SLC9A1: variants seen among roughly 807,000 people sequenced by gnomAD.
The protein encoded by SLC9A1 is solute carrier family 9 member A1.
A neutral mutation model predicts 67.9 loss-of-function variants in SLC9A1; 22 were observed. That is an observed-to-expected ratio of 0.32 (90% CI 0.23 to 0.46). The LOEUF (loss-of-function observed/expected upper bound fraction) is 0.46. Ranked by LOEUF, SLC9A1 falls within the 20% of genes least tolerant of loss-of-function variation. SLC9A1 has a pLI of 1.00. For missense variants in SLC9A1, 686 were observed against 1,094.8 expected (o/e 0.63, Z 5.27); for synonymous variants, 421 against 471.8 (o/e 0.89, Z 1.40).
intron 1 of SLC9A1, among the ~76,000 whole-genome samples, chr1:27,122,856 G>C (rs987152552): frequency 6.6e-5 from 10 of 152,320 alleles, no homozygotes; most frequent in African/African-American, 2.4e-4. Flanking sequence ...ACTCACAGGG[G>C]AGAGGGAGGG....
chr1:27,112,158 C>T (rs2124151645), intron 2 of SLC9A1, among the ~76,000 whole-genome samples: 1 of 152,302 alleles, frequency 6.6e-6, no homozygotes. Flanking sequence ...AACTCAGGCT[C>T]ATGTGGTAAC....
chr1:27,136,783 C>T (rs547850477), intron 1 of SLC9A1, among the ~76,000 whole-genome samples: 4 of 152,264 alleles, frequency 2.6e-5, no homozygotes, highest in South Asian at 2.1e-4. Context: ...AAGGAGGAGG[C>T]GGAAAATTCC....
At chr1:27,124,282 G>A (rs1389843602) in intron 1 of SLC9A1, among the ~76,000 whole-genome samples, 2 of 152,056 alleles carry the variant, frequency 1.3e-5, no homozygotes, top group African/African-American at 4.8e-5. Flanking sequence ...CTCTTTGCTG[G>A]GGGTACAGTA....
intron 1 of SLC9A1, among the ~76,000 whole-genome samples, chr1:27,117,177 G>A (rs907442937): frequency 1.3e-5 from 2 of 152,090 alleles, no homozygotes; most frequent in Non-Finnish European, 2.9e-5. Context: ...AAGACCTGCA[G>A]TGTGCTGGAG....
At chr1:27,135,651 A>T (rs2083416145) in intron 1 of SLC9A1, among the ~76,000 whole-genome samples, 1 of 152,160 alleles carries the variant, frequency 6.6e-6, no homozygotes, top group Admixed American at 6.5e-5. Flanking sequence ...AACCCTACGG[A>T]GTACAAGAAT....
chr1:27,141,482 C>T (rs1216726217), intron 1 of SLC9A1, among the ~76,000 whole-genome samples: 3 of 152,236 alleles, frequency 2.0e-5, no homozygotes, highest in African/African-American at 7.2e-5. Context: ...CAAGGCCTAG[C>T]TCAGTGGTCA....
At chr1:27,119,037 G>A (rs2083289293) in intron 1 of SLC9A1, among the ~76,000 whole-genome samples, 1 of 126,800 alleles carries the variant, frequency 7.9e-6, no homozygotes, top group African/African-American at 3.1e-5. Context: ...GTGGTAGCTG[G>A]AACGAACACA....
At chr1:27,102,293 C>T in intron 8 of SLC9A1, 92 bp downstream of exon 8, 3 of 1,452,520 alleles carry the variant, frequency 2.1e-6, no homozygotes, top group Non-Finnish European at 2.8e-6. Flanking sequence ...AACAGGACAA[C>T]AGAAGACCCC....
Position 27,100,049 on chromosome 1 carries a change from A to C in SLC9A1, c.*258T>G. The C allele has an allele frequency of 2.4e-6, 1 of 413,240 alleles. No individual in the cohort carries two copies. The highest frequency in any genetic ancestry group is 4.3e-6 in the Non-Finnish European group (1 of 233,592). 25.6% of individuals were successfully genotyped at this position (413,240 alleles called of 1,614,324 possible). On this transcript the variant is annotated 3_prime_UTR_variant, in exon 12 of 12. Coordinates refer to ENST00000263980, the MANE Select transcript of SLC9A1 (RefSeq NM_003047.5). The surrounding 1 kb of genome is among the most constrained non-coding windows in gnomAD (Gnocchi z 5.6). ...CCAGGTCCGGGAGAAGCCTGGATCT[A>C]GGGAGGGGCAGGGCCGGCCTCACCA... is the stretch of plus-strand genomic sequence containing the variant.
At position 27,123,291 on chromosome 1, in the gene SLC9A1, C is replaced by A. The variant is rs113448752; in HGVS notation, c.353-9005G>T. Among the ~76,000 whole-genome samples, 77 of 152,232 alleles carry A rather than the reference C, an allele frequency of 5.1e-4. 2 individuals carry two copies. The highest frequency in any genetic ancestry group is 1.7e-3 in the African/African-American group (72 of 41,532). ...TTTTACCAACTATACCAGTCTCCCC[C>A]ACAACCGAATTTCTGTTAAGTTTGG... On this transcript the variant is annotated intron_variant, in intron 1 of 11. Coordinates refer to ENST00000263980, the MANE Select transcript of SLC9A1 (RefSeq NM_003047.5).
chr1:27,128,387 TGG>T (rs757306785), intron 1 of SLC9A1, among the ~76,000 whole-genome samples: 2 of 151,850 alleles, frequency 1.3e-5, no homozygotes, highest in Non-Finnish European at 2.9e-5. Context: ...CCAGGGGAGG[TGG>T]CTCACACCTG....
Position 27,154,120 on chromosome 1 carries a change from C to A in SLC9A1, c.215G>T (p.Arg72Leu), listed in dbSNP as rs774339074. ...TAPPEVTPES[R>L]PVNHSVTDHG... The stretch of plus-strand genomic sequence containing the variant: ...ATCAGTGACGGAATGATTAACAGGG[C>A]GGCTCTCTGGGGTGACCTCCGGTGG... The change falls in exon 1 of 12, where the codon CGC (arginine) becomes CTC (leucine). Residue 72 changes from arginine (R) to leucine (L), a missense_variant. Physicochemically the swap from Arg to Leu is moderately radical, Grantham distance 102. This residue lies in a region of SLC9A1 where 143 missense variants were observed against 166.7 expected (regional missense o/e 0.86). Transcript: ENST00000263980. 2 of 1,614,062 alleles carry A rather than the reference C, an allele frequency of 1.2e-6. No homozygotes were observed. The highest frequency in any genetic ancestry group is 1.6e-4 in the Middle Eastern group (1 of 6,062).
At chr1:27,143,519 A>ATGACAGT (rs1472964253) in intron 1 of SLC9A1, among the ~76,000 whole-genome samples, 1 of 152,248 alleles carries the variant, frequency 6.6e-6, no homozygotes, top group African/African-American at 2.4e-5. Context: ...TGTGCTTTGA[A>ATGACAGT]GCCAGGGCTC....
At chr1:27,107,960 C>T (rs1429966104) in intron 3 of SLC9A1, 95 bp from the exon 4 acceptor site, 1 of 880,450 alleles carries the variant, frequency 1.1e-6, no homozygotes, top group Non-Finnish European at 1.8e-6. Context: ...GACCAAGGTG[C>T]CCATGTCCCA....
Position 27,137,172 on chromosome 1 carries a change from C to T in SLC9A1, c.352+16811G>A, listed in dbSNP as rs747953851. Among the ~76,000 whole-genome samples, 6 of 152,280 alleles carry T rather than the reference C, an allele frequency of 3.9e-5. No homozygotes were observed. The highest frequency in any genetic ancestry group is 1.2e-4 in the African/African-American group (5 of 41,480). On this transcript the variant is annotated intron_variant, in intron 1 of 11. Transcript: ENST00000263980. This position sits in a 1 kb window ranked among gnomAD's most constrained non-coding sequence, Gnocchi z 4.6. ...CTTCCAGGGTGGGAACCACCAACCA[C>T]GCAACTGTGTCTGCTGCATGGTAGG...
chr1:27,119,313 C>G (rs961397120), intron 1 of SLC9A1, among the ~76,000 whole-genome samples: 2 of 152,050 alleles, frequency 1.3e-5, no homozygotes, highest in Non-Finnish European at 2.9e-5. Flanking sequence ...CCTGGGAAGT[C>G]AGAGGGGAGT....
rs1379510429 is a variant in SLC9A1, at chr1:27,154,788, G to C, written c.-454C>G. 6.5e-6 allele frequency: 1 copy of C among 154,672 alleles called. No individual in the cohort carries two copies. The highest frequency in any genetic ancestry group is 1.4e-5 in the Non-Finnish European group (1 of 69,628). The allele number at this position is 154,672 out of a possible 1,614,324, so 9.6% of individuals were successfully genotyped here. The stretch of plus-strand genomic sequence containing the variant: ...CCTGAGCTAAAGGAAGGGGACCGAA[G>C]GGGGTGAGAGCCAGTCCAGGAAAAG... On this transcript the variant is annotated 5_prime_UTR_variant, in exon 1 of 12. Coordinates refer to ENST00000263980, the MANE Select transcript of SLC9A1 (RefSeq NM_003047.5).
chr1:27,120,322 C>G (rs939881140), intron 1 of SLC9A1, among the ~76,000 whole-genome samples: 3 of 150,780 alleles, frequency 2.0e-5, no homozygotes, highest in Admixed American at 2.0e-4. Flanking sequence ...GGAGGGGTTT[C>G]GCCATGTTGG....
At position 27,101,266 on chromosome 1, in the gene SLC9A1, A is replaced by T; in HGVS notation, c.2047T>A (p.Tyr683Asn). 1 of 1,611,988 alleles carries T rather than the reference A, an allele frequency of 6.2e-7. No individual in the cohort carries two copies. Among genetic ancestry groups the T allele is most frequent in the South Asian group, 1.1e-5 (1 of 91,070 alleles). ...AGCTTGTGGGCTGGCACCGTCAGGTAGTTGTTGATCTGACAGAGAGGACAG... is the reference window on the plus strand; with the variant it reads ...AGCTTGTGGGCTGGCACCGTCAGGTTGTTGTTGATCTGACAGAGAGGACAG... ...ARQLEQKINN[Y>N]LTVPAHKLDS... The change falls in exon 11 of 12, where the codon TAC (tyrosine) becomes AAC (asparagine). Residue 683 changes from tyrosine to asparagine, a missense_variant. By Grantham distance (143) the Tyr-to-Asn change is moderately radical. Around this residue, in one of 7 missense-constraint regions of SLC9A1, gnomAD observed 226 missense variants for 282.4 expected, o/e 0.80. Coordinates refer to ENST00000263980, the MANE Select transcript of SLC9A1 (RefSeq NM_003047.5). The surrounding 1 kb of genome is among the most constrained non-coding windows in gnomAD (Gnocchi z 4.9).
Sources: allele counts gnomAD v4.1 joint callset (sites outside exome capture counted in the v4.1 genomes callset), GRCh38; gene constraint gnomAD v4.1.1; regional missense constraint gnomAD v4.1.1; non-coding constraint Gnocchi (gnomAD v3.1); transcripts MANE v1.5; gene names NCBI Gene and HGNC (gene_info 2026-07-23, HGNC 2026-07-21).